The following MUC22 variants were observed in gnomAD, a reference collection of about 807,000 sequenced individuals.
MUC22 encodes mucin 22.
A neutral mutation model predicts 40.3 loss-of-function variants in MUC22; 24 were observed. The observed-to-expected ratio is 0.60, with a 90% CI of 0.43 to 0.84. The LOEUF is 0.84. MUC22 is among the 40% of genes least tolerant of loss of function. The probability of loss-of-function intolerance (pLI) is 0.00; values close to 1 mark genes in which losing one functional copy is unlikely to be tolerated. For missense variants in MUC22, 1,926 were observed against 2,130.7 expected, an observed-to-expected ratio of 0.90 and a Z score of 1.89; for synonymous variants, 765 against 844.5, an observed-to-expected ratio of 0.91 and a Z score of 1.63.
upstream of MUC22, among the ~76,000 whole-genome samples, chr6:31,006,889 C>CT (rs1763556639): frequency 1.3e-5 from 2 of 152,096 alleles, no homozygotes; most frequent in Non-Finnish European, 2.9e-5. Context: ...TGGCTCACGT[C>CT]TGTAATCCCA....
chr6:31,010,450 A>G (rs551014577), upstream of MUC22: 1 of 500,652 alleles, frequency 2.0e-6, no homozygotes, highest in African/African-American at 1.9e-5. Flanking sequence ...ATCAGCTATA[A>G]ATGCCACAGA....
chr6:31,028,595 C>G (rs1030882829), exon 2 of MUC22: 13 of 1,534,616 alleles, frequency 8.5e-6, no homozygotes, highest in Non-Finnish European at 1.0e-5. Flanking sequence ...TCTAAAATGA[C>G]CACAGTCTTC....
chr6:31,017,187 G>A (rs989017710), intron 1 of MUC22, among the ~76,000 whole-genome samples: 2 of 152,236 alleles, frequency 1.3e-5, no homozygotes, highest in Non-Finnish European at 2.9e-5. Context: ...GAGTACTGGC[G>A]CACGGCGTGG....
chr6:31,012,097 C>T (rs568050561), intron 1 of MUC22, among the ~76,000 whole-genome samples: 1 of 152,314 alleles, frequency 6.6e-6, no homozygotes, highest in South Asian at 2.1e-4. Context: ...TTTCTTACAT[C>T]AACATATCTT....
At chr6:31,023,139 AAAC>A (rs2150774934) in intron 1 of MUC22, among the ~76,000 whole-genome samples, 1 of 148,242 alleles carries the variant, frequency 6.7e-6, no homozygotes, top group South Asian at 2.2e-4. Flanking sequence ...AAACAAAACA[AAAC>A]AAAAAACAAA....
chr6:31,026,184 C>T, exon 2 of MUC22: 1 of 1,523,426 alleles, frequency 6.6e-7, no homozygotes, highest in Non-Finnish European at 8.8e-7. Flanking sequence ...TCACGGCATC[C>T]AGCATGAGCT....
chr6:31,011,426 A>C lies in MUC22; in HGVS notation c.70+650A>C, dbSNP rs7739491. Among the ~76,000 whole-genome samples, 64,762 of 152,022 alleles carry C rather than the reference A, an allele frequency of 0.43. 14,924 individuals carry two copies. Among genetic ancestry groups the C allele is most frequent in the African/African-American group, 0.6 (25,044 of 41,438 alleles). ...AGTCCTCACAGCTTAGCTCCCACCT[A>C]TCAGTGAGAACATACGATGTTTGGT... is the stretch of plus-strand genomic sequence containing the variant. On this transcript the variant is annotated intron_variant, in intron 1 of 3. Transcript: ENST00000561890. This position sits in a 1 kb window ranked among gnomAD's most constrained non-coding sequence, Gnocchi z 4.5.
intron 1 of MUC22, among the ~76,000 whole-genome samples, chr6:31,019,443 T>C (rs972058696): frequency 6.6e-6 from 1 of 152,248 alleles, no homozygotes; most frequent in Non-Finnish European, 1.5e-5. Flanking sequence ...AATTTTGTTT[T>C]CTACTTTCTC....
chr6:31,007,896 G>A (rs867582954), upstream of MUC22, among the ~76,000 whole-genome samples: 3 of 152,134 alleles, frequency 2.0e-5, no homozygotes, highest in Non-Finnish European at 2.9e-5. The surrounding 1 kb of genome is among the most constrained non-coding windows in gnomAD (Gnocchi z 4.0). Flanking sequence ...AGCTCCACTC[G>A]AGCAACCTGC....
In MUC22 at chr6:31,029,156, G is replaced by A. The variant is rs1410517767; in HGVS notation, c.3725G>A (p.Gly1242Asp). 6.5e-7 allele frequency: 1 copy of A among 1,535,008 alleles called. No homozygotes were observed. The highest frequency in any genetic ancestry group is 8.7e-7 in the Non-Finnish European group (1 of 1,146,722). ...GAGACCACCACAGTCTCTACTGCAG[G>A]CTCTGAGACCACCACAGCCTCTATT... The change falls in exon 2 of 4, where the codon GGC (glycine) becomes GAC (aspartate). Residue 1242 changes from glycine (G) to aspartate (D), a missense_variant. By Grantham distance (94) the Gly-to-Asp change is moderately conservative. Coordinates refer to ENST00000561890, the Ensembl canonical transcript of MUC22.
intron 1 of MUC22, among the ~76,000 whole-genome samples, chr6:31,015,432 C>T (rs1341311956): frequency 6.6e-6 from 1 of 152,178 alleles, no homozygotes; most frequent in Non-Finnish European, 1.5e-5. Context: ...TCAGGGGCCT[C>T]TGACTAGGGC....
intron 1 of MUC22, among the ~76,000 whole-genome samples, chr6:31,025,107 G>T (rs111493243): frequency 0.015 from 1,830 of 118,844 alleles, 26 homozygotes; most frequent in Middle Eastern, 0.026. Context: ...GGCCTCAGGT[G>T]ATCCGCCTGG....
At chr6:31,021,690 G>C (rs571914688) in intron 1 of MUC22, among the ~76,000 whole-genome samples, 1 of 151,992 alleles carries the variant, frequency 6.6e-6, no homozygotes, top group Non-Finnish European at 1.5e-5. Context: ...TGATGGGGAC[G>C]TGGAGAACCT....
At chr6:31,024,573 C>A (rs1562597450) in intron 1 of MUC22, among the ~76,000 whole-genome samples, 1 of 151,966 alleles carries the variant, frequency 6.6e-6, no homozygotes, top group Non-Finnish European at 1.5e-5. Context: ...TCTGAGTATA[C>A]CCCTGTCAGC....
At chr6:31,016,303 G>A (rs1356253505) in intron 1 of MUC22, among the ~76,000 whole-genome samples, 1 of 152,188 alleles carries the variant, frequency 6.6e-6, no homozygotes, top group East Asian at 1.9e-4. Flanking sequence ...GGTAATCCCA[G>A]AATGTCCTTT....
chr6:31,016,390 C>T (rs1242079086), intron 1 of MUC22, among the ~76,000 whole-genome samples: 1 of 152,042 alleles, frequency 6.6e-6, no homozygotes, highest in Admixed American at 6.6e-5. Context: ...GTGGACTTAG[C>T]TTTAGGGTAA....
chr6:31,026,228 A>C (rs1765310366), exon 2 of MUC22: 1 of 1,529,482 alleles, frequency 6.5e-7, no homozygotes, highest in African/African-American at 1.4e-5. Context: ...GCAGGCTCTA[A>C]CACCACCACA....
chr6:31,016,513 AG>A (rs1249926889), intron 1 of MUC22, among the ~76,000 whole-genome samples: 2 of 152,244 alleles, frequency 1.3e-5, no homozygotes, highest in Non-Finnish European at 2.9e-5. Context: ...AGAGCATACT[AG>A]CATAGCTGCT....
chr6:31,031,301 G>A (rs1766047745), intron 2 of MUC22, among the ~76,000 whole-genome samples: 1 of 152,060 alleles, frequency 6.6e-6, no homozygotes, highest in Non-Finnish European at 1.5e-5. Context: ...ATCTGCCCAA[G>A]CACACTCACC....
Sources: allele counts gnomAD v4.1 joint callset (sites outside exome capture counted in the v4.1 genomes callset), GRCh38; gene constraint gnomAD v4.1.1; non-coding constraint Gnocchi (gnomAD v3.1); transcripts MANE v1.5; gene names NCBI Gene and HGNC (gene_info 2026-07-23, HGNC 2026-07-21).